CEP63: variants seen among roughly 807,000 people sequenced by gnomAD.
CEP63 encodes centrosomal protein 63.
CEP63 carries 84 observed loss-of-function variants against 89.1 expected under a neutral mutation model. The ratio of observed to expected loss-of-function variants is 0.94; its 90% CI spans 0.79 to 1.13. CEP63 has a LOEUF of 1.13. CEP63 is among the 50% of genes most tolerant of loss of function. CEP63 has a pLI of 0.00. For synonymous variants in CEP63, 267 were observed against 272.5 expected, an observed-to-expected ratio of 0.98 and a Z score of 0.20; for missense variants, 838 against 813.3, an observed-to-expected ratio of 1.03 and a Z score of -0.37.
chr3:134,663,372 G>T, the CEP63 span, among the ~76,000 whole-genome samples: 2 of 152,198 alleles, frequency 1.3e-5, no homozygotes, highest in East Asian at 3.8e-4. Flanking sequence ...AGGGTGAAGG[G>T]CTTGGTTGGG....
chr3:134,638,035 A>G, the CEP63 span, among the ~76,000 whole-genome samples: 1 of 152,122 alleles, frequency 6.6e-6, no homozygotes, highest in Admixed American at 6.5e-5. Context: ...TCTCCCCCAA[A>G]GCTGTGCTGC....
intron 10 of CEP63, 78 bp downstream of exon 10, chr3:134,549,254 T>A: frequency 1.1e-6 from 1 of 884,786 alleles, no homozygotes; most frequent in Non-Finnish European, 1.9e-6. Context: ...TTATAGGGGT[T>A]ATTTTTAATG....
chr3:134,586,528 C>T (rs909131449), intron 10 of CEP63, among the ~76,000 whole-genome samples: 1 of 152,194 alleles, frequency 6.6e-6, no homozygotes, highest in Non-Finnish European at 1.5e-5. Context: ...GCCCCACTCT[C>T]TTCTGGCTTG....
At chr3:134,682,246 G>A in the CEP63 span, among the ~76,000 whole-genome samples, 1 of 152,210 alleles carries the variant, frequency 6.6e-6, no homozygotes, top group Non-Finnish European at 1.5e-5. Context: ...TTACTTCTGA[G>A]TGCCCTGGAG....
At chr3:134,505,250 T>C (rs1392158551) in intron 2 of CEP63, among the ~76,000 whole-genome samples, 1 of 152,216 alleles carries the variant, frequency 6.6e-6, no homozygotes, top group Non-Finnish European at 1.5e-5. Context: ...TCCAATTATA[T>C]GGATTGGCTT....
At position 134,574,352 on chromosome 3, in the gene CEP63, C is replaced by CT. The variant is rs138025195; in HGVS notation, c.1330-438dup. 3.5e-3 allele frequency among the ~76,000 whole-genome samples: 533 copies of CT among 152,252 alleles called. 3 individuals are homozygous for CT. The highest frequency in any genetic ancestry group is 4.3e-3 in the Non-Finnish European group (292 of 68,026). ...CAAAGCAATCCAACAGTTTCTGAGT[C>CT]TTTCTGAAATCTCAAGATGCATTTT... On this transcript the variant is annotated intron_variant, in intron 11 of 11. Coordinates refer to the CEP63 transcript ENST00000354446.
intron 10 of CEP63, among the ~76,000 whole-genome samples, chr3:134,581,054 TG>T (rs1958333566): frequency 1.4e-5 from 2 of 145,058 alleles, no homozygotes; most frequent in Non-Finnish European, 3.0e-5. Flanking sequence ...TGAAGATGGA[TG>T]GGGGCCATGA....
At chr3:134,728,065 A>C in the CEP63 span, among the ~76,000 whole-genome samples, 1 of 152,260 alleles carries the variant, frequency 6.6e-6, no homozygotes, top group Non-Finnish European at 1.5e-5. Flanking sequence ...AGGAGCAAAC[A>C]ACTAGCAAAA....
At chr3:134,575,263 C>T (rs1239734226), downstream of CEP63, among the ~76,000 whole-genome samples, 5 of 113,838 alleles carry the variant, frequency 4.4e-5, no homozygotes, top group East Asian at 1.5e-3. Flanking sequence ...TCCTTCCTTG[C>T]TTCCCTCTTT....
At chr3:134,647,454 T>G in the CEP63 span, 20 of 1,611,922 alleles carry the variant, frequency 1.2e-5, no homozygotes, top group Non-Finnish European at 1.6e-5. Context: ...CATTTCCTTC[T>G]AATTTCTGCC....
the CEP63 span, among the ~76,000 whole-genome samples, chr3:134,741,862 T>G: frequency 1.3e-5 from 2 of 152,166 alleles, no homozygotes; most frequent in East Asian, 1.9e-4. Context: ...TCAGCCCAGC[T>G]CCTCTGAGGG....
At chr3:134,540,783 A>T (rs866847442) in intron 6 of CEP63, among the ~76,000 whole-genome samples, 1,384 of 59,392 alleles carry the variant, frequency 0.023, 14 homozygotes, top group African/African-American at 0.08. Context: ...TTTTTTTTTT[A>T]AATCTTAATT....
At chr3:134,492,773 A>C (rs1384870563) in intron 1 of CEP63, among the ~76,000 whole-genome samples, 1 of 152,182 alleles carries the variant, frequency 6.6e-6, no homozygotes, top group East Asian at 1.9e-4. Context: ...ATTTTAAGAT[A>C]TAGAATACTG....
At chr3:134,721,627 C>T in the CEP63 span, among the ~76,000 whole-genome samples, 10 of 152,140 alleles carry the variant, frequency 6.6e-5, no homozygotes, top group East Asian at 3.9e-4. Context: ...TTTCCTTAAT[C>T]GGATTGAGGA....
chr3:134,662,998 T>A, the CEP63 span, among the ~76,000 whole-genome samples: 6 of 152,124 alleles, frequency 3.9e-5, no homozygotes, highest in Non-Finnish European at 7.4e-5. Flanking sequence ...ACACAGCCAG[T>A]TTAATGTCCA....
the CEP63 span, among the ~76,000 whole-genome samples, chr3:134,712,080 G>A: frequency 1.3e-5 from 2 of 152,104 alleles, no homozygotes; most frequent in Admixed American, 6.6e-5. Context: ...TGATCATTAC[G>A]TGTGACTTTT....
In CEP63 at chr3:134,561,845, A is replaced by C; in HGVS notation, c.*310A>C. On this transcript the variant is annotated 3_prime_UTR_variant, in exon 15 of 15. Coordinates refer to ENST00000675561, the MANE Select transcript of CEP63 (RefSeq NM_001353108.3). ...CTTAAATGTGAATAGCTATGTACTA[A>C]TTGAAATAAGGATTTTATGATACAT... The C allele has an allele frequency of 9.1e-7, 1 of 1,104,940 alleles. No homozygotes were observed. The highest frequency in any genetic ancestry group is 1.7e-5 in the African/African-American group (1 of 60,514). The allele number at this position is 1,104,940 out of a possible 1,614,324, so 68.4% of individuals were successfully genotyped here.
chr3:134,699,379 G>A, the CEP63 span, among the ~76,000 whole-genome samples: 2 of 152,330 alleles, frequency 1.3e-5, no homozygotes, highest in East Asian at 1.9e-4. Flanking sequence ...TGACAGAAAG[G>A]TGCCACCATA....
the CEP63 span, among the ~76,000 whole-genome samples, chr3:134,730,941 A>G: frequency 6.6e-6 from 1 of 152,292 alleles, no homozygotes; most frequent in Admixed American, 6.5e-5. Flanking sequence ...AAAATAAAAG[A>G]ATGGAAAAAG....
Sources: allele counts gnomAD v4.1 joint callset (sites outside exome capture counted in the v4.1 genomes callset), GRCh38; gene constraint gnomAD v4.1.1; transcripts MANE v1.5; gene names NCBI Gene and HGNC (gene_info 2026-07-23, HGNC 2026-07-21).